The following NEK2 variants were observed in gnomAD, a reference collection of about 807,000 sequenced individuals.
NEK2 encodes the protein serine/threonine-protein kinase Nek2.
Under a neutral mutation model 54.1 loss-of-function variants are expected in NEK2, and 28 were observed. The observed-to-expected ratio is 0.52, with a 90% confidence interval of 0.38 to 0.71. NEK2 has a LOEUF of 0.71. Ranked by LOEUF, NEK2 falls within the 30% of genes least tolerant of loss-of-function variation. The pLI is 0.00. For synonymous variants in NEK2, 176 were observed against 193.1 expected, an observed-to-expected ratio of 0.91 and a Z score of 0.73; for missense variants, 407 against 531.5, an observed-to-expected ratio of 0.77 and a Z score of 2.30.
Position 211,675,534 on chromosome 1 carries a change from G to A in NEK2, c.-55C>T, listed in dbSNP as rs1655557240. 18 of 1,459,090 alleles carry A rather than the reference G, an allele frequency of 1.2e-5. No individual in the cohort carries two copies. The highest frequency in any genetic ancestry group is 1.5e-5 in the Non-Finnish European group (16 of 1,042,310). The allele number at this position is 1,459,090 out of a possible 1,614,324, so 90.4% of individuals were successfully genotyped here. A position where few individuals can be genotyped will look rare whatever the true frequency, so the allele number is the denominator to read the frequency against. On this transcript the variant is annotated 5_prime_UTR_variant, in exon 1 of 8. Transcript: ENST00000366999. ...TCACGCAGGTTGCGCCGCCAAGTGC[G>A]GAGCTCCAGGGACCAGGAACTCCAG... is the stretch of plus-strand genomic sequence containing the variant.
Position 211,669,194 on chromosome 1 carries a change from C to T in NEK2, c.904G>A (p.Val302Ile). The change falls in exon 6 of 8, where the codon GTA (valine) becomes ATA (isoleucine). Residue 302 changes from valine (V) to isoleucine (I), a missense_variant. By Grantham distance (29) the Val-to-Ile change is conservative. Coordinates refer to ENST00000366999, the MANE Select transcript of NEK2 (RefSeq NM_002497.4). ...EPEKSQDSSP[V>I]LSELKLKEIQ... The stretch of plus-strand genomic sequence containing the variant: ...TCCTTCAGTTTCAGCTCACTCAATA[C>T]AGGGCTGGAATCCTGCGATTTTTCT... 6.2e-7 allele frequency: 1 copy of T among 1,613,986 alleles called. No homozygotes were observed. The highest frequency in any genetic ancestry group is 8.5e-7 in the Non-Finnish European group (1 of 1,179,874).
At chr1:211,671,339 T>C in intron 3 of NEK2, 55 bp from the exon 4 acceptor site, 1 of 1,356,302 alleles carries the variant, frequency 7.4e-7, no homozygotes. Flanking sequence ...TATTTTGTTT[T>C]GAAACTTAAA....
At chr1:211,672,391 G>T (rs1168381070) in intron 3 of NEK2, among the ~76,000 whole-genome samples, 2 of 152,182 alleles carry the variant, frequency 1.3e-5, no homozygotes, top group Non-Finnish European at 2.9e-5. Flanking sequence ...TCTAAGAATG[G>T]TGAAACATGT....
At chr1:211,659,677 C>T (rs113602794), downstream of NEK2, among the ~76,000 whole-genome samples, 54 of 152,268 alleles carry the variant, frequency 3.5e-4, no homozygotes, top group African/African-American at 8.4e-4. Flanking sequence ...ACTTTGCTGA[C>T]GTCTTCAGGC....
At chr1:211,659,381 T>C (rs540735591), downstream of NEK2, among the ~76,000 whole-genome samples, 11 of 152,362 alleles carry the variant, frequency 7.2e-5, no homozygotes, top group South Asian at 1.7e-3. Context: ...TTTTCTCTTT[T>C]AGGGCATGGC....
chr1:211,673,781 G>A, intron 2 of NEK2, 58 bp from the exon 3 acceptor site: 1 of 1,548,168 alleles, frequency 6.5e-7, no homozygotes, highest in Non-Finnish European at 8.9e-7. Flanking sequence ...GCCAAGATGG[G>A]ATGATATAAA....
downstream of NEK2, among the ~76,000 whole-genome samples, chr1:211,662,127 C>A (rs1655032114): frequency 6.6e-6 from 1 of 152,170 alleles, no homozygotes; most frequent in African/African-American, 2.4e-5. The surrounding 1 kb of genome is among the most constrained non-coding windows in gnomAD (Gnocchi z 4.2). Context: ...CTTATCAACT[C>A]GATATCCATC....
chr1:211,674,338 C>T lies in NEK2; in HGVS notation c.272G>A (p.Gly91Glu), dbSNP rs775902118. 1 of 1,614,048 alleles carries T rather than the reference C, an allele frequency of 6.2e-7. No individual in the cohort carries two copies. The highest frequency in any genetic ancestry group is 2.2e-5 in the East Asian group (1 of 44,866). The stretch of plus-strand genomic sequence containing the variant: ...TGTAATTACACTAGCCAGATCCCCT[C>T]CTTCACAATATTCCATTACAATGTA... ...TLYIVMEYCE[G>E]GDLASVITKG... Residue 91 changes from glycine to glutamate, a missense_variant, in exon 2 of 8, where the codon GGA becomes GAA. Gly to Glu is a moderately conservative substitution (Grantham distance 98, BLOSUM62 -2). Coordinates refer to ENST00000366999, the MANE Select transcript of NEK2 (RefSeq NM_002497.4).
At position 211,675,432 on chromosome 1, in the gene NEK2, T is replaced by C. The variant is rs756941732; in HGVS notation, c.48A>G (p.Thr16=). The change falls in exon 1 of 8, where the codon ACA becomes ACG. Residue 16 remains threonine (T), a synonymous_variant. Coordinates refer to ENST00000366999, the MANE Select transcript of NEK2 (RefSeq NM_002497.4). ...TCTTCTGGCAGCGGCCGTAGGAGCCTGTGCCAATGGTGTACAACACTTCAT... is the reference window on the plus strand; with the variant it reads ...TCTTCTGGCAGCGGCCGTAGGAGCCCGTGCCAATGGTGTACAACACTTCAT... The part of the protein sequence containing the change: ...EDYEVLYTIG[T]GSYGRCQKIR... The C allele has an allele frequency of 6.2e-7, 1 of 1,613,914 alleles. No individual in the cohort carries two copies. Among genetic ancestry groups the C allele is most frequent in the East Asian group, 2.2e-5 (1 of 44,882 alleles).
rs1253628601 is a variant in NEK2 at position 211,673,701 on chromosome 1, C to T, written c.337G>A (p.Val113Ile). 7.4e-6 allele frequency: 12 copies of T among 1,614,170 alleles called. No individual in the cohort carries two copies. Among genetic ancestry groups the T allele is most frequent in the Non-Finnish European group, 1.0e-5 (12 of 1,180,024 alleles). ...GTCAACTGAGTCATCACTCGAAGAA[C>T]AAACTCTTCATCTAAGTATTGCCTA... The part of the protein sequence containing the change: ...KERQYLDEEF[V>I]LRVMTQLTLA... The change falls in exon 3 of 8, where the codon GTT becomes ATT. Residue 113 changes from valine (V) to isoleucine (I), a missense_variant. By Grantham distance (29) the Val-to-Ile change is conservative (BLOSUM62 3). Coordinates refer to ENST00000366999, the MANE Select transcript of NEK2 (RefSeq NM_002497.4).
intron 3 of NEK2, 64 bp from the exon 4 acceptor site, chr1:211,671,348 A>T: frequency 8.5e-7 from 1 of 1,172,740 alleles, no homozygotes. Context: ...TTGAAACTTA[A>T]AAAACACATT....
downstream of NEK2, among the ~76,000 whole-genome samples, chr1:211,658,986 C>T (rs1055974142): frequency 2.6e-5 from 4 of 152,044 alleles, no homozygotes; most frequent in African/African-American, 9.7e-5. Flanking sequence ...AAAAAGGACA[C>T]CTCTTCACTT....
In NEK2 at chr1:211,663,464, A is replaced by C. The variant is rs753859332; in HGVS notation, c.1300T>G (p.Tyr434Asp). The C allele has an allele frequency of 3.1e-6, 5 of 1,613,724 alleles. No homozygotes were observed. The highest frequency in any genetic ancestry group is 4.2e-6 in the Non-Finnish European group (5 of 1,179,778). ...AQALSDIEKNYQLKSRQILGM... is the reference protein window; with the variant it reads ...AQALSDIEKNDQLKSRQILGM... ...AGGATCTGTCTGCTTTTCAGTTGGT[A>C]ATTTTTCTCAATATCTGACAGGGCT... is the stretch of plus-strand genomic sequence containing the variant. The change falls in exon 8 of 8, where the codon TAC becomes GAC. Residue 434 changes from tyrosine (Y) to aspartate (D), a missense_variant. Coordinates refer to ENST00000366999, the MANE Select transcript of NEK2 (RefSeq NM_002497.4).
Position 211,663,312 on chromosome 1 carries a change from T to C in NEK2, c.*114A>G. ...CAATTCCGAAATATCATGTGTACTA[T>C]ACAGAAAGGCATGGCTCATGGAACC... On this transcript the variant is annotated 3_prime_UTR_variant, in exon 8 of 8. Coordinates refer to ENST00000366999, the MANE Select transcript of NEK2 (RefSeq NM_002497.4). The C allele has an allele frequency of 6.7e-7, 1 of 1,488,478 alleles. No individual in the cohort carries two copies. The highest frequency in any genetic ancestry group is 9.0e-7 in the Non-Finnish European group (1 of 1,116,810). 92.2% of individuals were successfully genotyped at this position (1,488,478 alleles called of 1,614,324 possible).
In NEK2 at chr1:211,675,553, A is replaced by T; in HGVS notation, c.-74T>A. 1 of 1,263,288 alleles carries T rather than the reference A, an allele frequency of 7.9e-7. No homozygotes were observed. The highest frequency in any genetic ancestry group is 2.3e-5 in the East Asian group (1 of 42,936). 78.3% of individuals were successfully genotyped at this position (1,263,288 alleles called of 1,614,324 possible). On this transcript the variant is annotated 5_prime_UTR_variant, in exon 1 of 8. Coordinates refer to ENST00000366999, the MANE Select transcript of NEK2 (RefSeq NM_002497.4). ...AAGTGCGGAGCTCCAGGGACCAGGA[A>T]CTCCAGGGACCTGGATGGAGAAGCC...
rs372672620 is a variant in NEK2, at chr1:211,673,826, AT to A, written c.315-104del. ...GTACAAATAGGGAATTTATTTATTT[AT>A]TTATTTATATTTTTTGAGACAGGGT... On this transcript the variant is annotated intron_variant, in intron 2 of 7. Transcript: ENST00000366999. 827 of 1,167,454 alleles carry A rather than the reference AT, an allele frequency of 7.1e-4. 4 individuals carry two copies. The African/African-American group carries it at 0.01, about 14-fold the overall frequency. 72.3% of individuals were successfully genotyped at this position (1,167,454 alleles called of 1,614,324 possible).
intron 2 of NEK2, 75 bp from the exon 3 acceptor site, chr1:211,673,798 A>C: frequency 7.2e-7 from 1 of 1,395,942 alleles, no homozygotes; most frequent in East Asian, 2.3e-5. Context: ...TAAATTATCC[A>C]GTGTACAAAT....
chr1:211,669,558 C>T, intron 5 of NEK2: 1 of 523,844 alleles, frequency 1.9e-6, no homozygotes, highest in South Asian at 2.3e-5. Context: ...TTTCCCTTTT[C>T]CCCTTTTCAC....
In NEK2 at chr1:211,670,347, G is replaced by A; in HGVS notation, c.699C>T (p.Phe233=). ...CAGAGTAACGGTATGGAATTCGCCT[G>A]AATTTGCCTTCTCTGATTTTCCCAG... ...ELAGKIREGK[F]RRIPYRYSDE... The change falls in exon 5 of 8, where the codon TTC becomes TTT. Residue 233 remains phenylalanine, a synonymous_variant. Transcript: ENST00000366999. 1 of 1,613,490 alleles carries A rather than the reference G, an allele frequency of 6.2e-7. No homozygotes were observed. Among genetic ancestry groups the A allele is most frequent in the Non-Finnish European group, 8.5e-7 (1 of 1,179,480 alleles).
Sources: gnomAD v4.1 joint callset for allele counts (sites outside exome capture counted in the v4.1 genomes callset) on GRCh38, gnomAD v4.1.1 for gene constraint, Gnocchi (gnomAD v3.1) non-coding constraint, MANE v1.5 for transcripts, NCBI Gene and HGNC (gene_info 2026-07-23, HGNC 2026-07-21) for gene names.